ARID5A: variants seen among roughly 807,000 people sequenced by gnomAD.
ARID5A encodes the protein AT-rich interaction domain 5A.
In ARID5A, 14 loss-of-function variants were observed where a neutral mutation model predicts 30.5. The observed-to-expected ratio is 0.46, with a 90% CI of 0.30 to 0.72. The LOEUF is 0.72. Among genes scored for constraint, ARID5A ranks in the 30% least tolerant of loss-of-function variants. The pLI is 0.07. For synonymous variants in ARID5A, 338 were observed against 340.4 expected (o/e 0.99, Z 0.08); for missense variants, 669 against 786.2 (o/e 0.85, Z 1.78).
rs560045498 is a variant in ARID5A, at chr2:96,549,624, G to A, written c.260-129G>A. 283 of 1,505,610 alleles carry A rather than the reference G, an allele frequency of 1.9e-4. No individual in the cohort carries two copies. The highest frequency in any genetic ancestry group is 2.1e-4 in the Non-Finnish European group (227 of 1,086,638). The allele number at this position is 1,505,610 out of a possible 1,614,324, so 93.3% of individuals were successfully genotyped here. A position where few individuals can be genotyped will look rare whatever the true frequency, so the allele number is the denominator to read the frequency against. ...GGGGTGCACAGGGCACAGCCTGCCCGTCTATTGCAGTGGCCCTGGCTGGGT... is the reference window on the plus strand; with the variant it reads ...GGGGTGCACAGGGCACAGCCTGCCCATCTATTGCAGTGGCCCTGGCTGGGT... On this transcript the variant is annotated intron_variant, in intron 3 of 6. Coordinates refer to ENST00000357485, the MANE Select transcript of ARID5A (RefSeq NM_212481.3). The surrounding 1 kb of genome is among the most constrained non-coding windows in gnomAD (Gnocchi z 6.1).
chr2:96,549,284 C>G lies in ARID5A; in HGVS notation c.121-37C>G, dbSNP rs1180998519. 1 of 1,598,008 alleles carries G rather than the reference C, an allele frequency of 6.3e-7. No individual in the cohort carries two copies. The highest frequency in any genetic ancestry group is 8.5e-7 in the Non-Finnish European group (1 of 1,171,738). On this transcript the variant is annotated intron_variant, in intron 2 of 6. Transcript: ENST00000357485. The surrounding 1 kb of genome is among the most constrained non-coding windows in gnomAD (Gnocchi z 6.1). ...CACATCCCCAGCAGCCAGCCACCAA[C>G]TGGGGCCCATCCCAATGCCTCCTGT...
chr2:96,552,540 G>A lies in ARID5A; in HGVS notation c.*227G>A. ...AGGACCCAGTTGTTATAAGGCGCTG[G>A]GAGAGGATGGGCAGCTCCCACTGCC... On this transcript the variant is annotated 3_prime_UTR_variant, in exon 7 of 7. Coordinates refer to ENST00000357485, the MANE Select transcript of ARID5A (RefSeq NM_212481.3). 6.5e-7 allele frequency: 1 copy of A among 1,529,484 alleles called. No homozygotes were observed. The highest frequency in any genetic ancestry group is 8.7e-7 in the Non-Finnish European group (1 of 1,143,186). 94.7% of individuals were successfully genotyped at this position (1,529,484 alleles called of 1,614,324 possible).
chr2:96,536,817 T>C lies in ARID5A; in HGVS notation c.-10T>C. The C allele has an allele frequency of 1.7e-6, 2 of 1,206,840 alleles. No homozygotes were observed. The highest frequency in any genetic ancestry group is 2.1e-6 in the Non-Finnish European group (2 of 972,886). 74.8% of individuals were successfully genotyped at this position (1,206,840 alleles called of 1,614,324 possible). A position where few individuals can be genotyped will look rare whatever the true frequency, so the allele number is the denominator to read the frequency against. On this transcript the variant is annotated 5_prime_UTR_variant, in exon 1 of 7. Coordinates refer to ENST00000357485, the MANE Select transcript of ARID5A (RefSeq NM_212481.3). Reference sequence around the variant, plus strand: ...GTCTCGGGGCGGGCGCCGCGGGACCTCTCCGGGCCATGGGTAAGCGGCTCT... The same window carrying C: ...GTCTCGGGGCGGGCGCCGCGGGACCCCTCCGGGCCATGGGTAAGCGGCTCT...
intron 1 of ARID5A, among the ~76,000 whole-genome samples, chr2:96,540,388 G>C (rs948959894): frequency 1.3e-5 from 2 of 152,186 alleles, no homozygotes; most frequent in Admixed American, 1.3e-4. Context: ...TAAGGGACTG[G>C]GTCACTAGGA....
At chr2:96,538,859 C>T (rs2065793501) in intron 1 of ARID5A, among the ~76,000 whole-genome samples, 1 of 152,186 alleles carries the variant, frequency 6.6e-6, no homozygotes, top group African/African-American at 2.4e-5. Flanking sequence ...TCCCATCACA[C>T]CCAGGGTGAG....
Position 96,550,947 on chromosome 2 carries a change from A to G in ARID5A, c.571-152A>G, listed in dbSNP as rs1337543410. On this transcript the variant is annotated intron_variant, in intron 6 of 6. Coordinates refer to ENST00000357485, the MANE Select transcript of ARID5A (RefSeq NM_212481.3). This position sits in a 1 kb window ranked among gnomAD's most constrained non-coding sequence, Gnocchi z 6.6. ...CCACCAGGCACCTGAGGCTGTGTCC[A>G]CTCAGAGGACAGGGCACCTTTGGAA... 6 of 1,168,394 alleles carry G rather than the reference A, an allele frequency of 5.1e-6. No individual in the cohort carries two copies. The South Asian group carries it at 7.5e-5, about 15-fold the overall frequency. 72.4% of individuals were successfully genotyped at this position (1,168,394 alleles called of 1,614,324 possible). A position where few individuals can be genotyped will look rare whatever the true frequency, so the allele number is the denominator to read the frequency against.
chr2:96,536,978 G>C (rs970802050), intron 1 of ARID5A, 148 bp downstream of exon 1: 2 of 1,060,862 alleles, frequency 1.9e-6, no homozygotes, highest in African/African-American at 3.3e-5. Flanking sequence ...TCGGGGCGCG[G>C]GCCAAGGGGA....
chr2:96,549,201 C>G lies in ARID5A; in HGVS notation c.121-120C>G. ...CCTCCCAGAACAGTGGCTAGGTGTT[C>G]TCTGGGAAACTGGGGTTGGGGTAGG... On this transcript the variant is annotated intron_variant, in intron 2 of 6. Transcript: ENST00000357485. The surrounding 1 kb of genome is among the most constrained non-coding windows in gnomAD (Gnocchi z 6.1). 1 of 1,512,228 alleles carries G rather than the reference C, an allele frequency of 6.6e-7. No homozygotes were observed. Among genetic ancestry groups the G allele is most frequent in the Non-Finnish European group, 8.9e-7 (1 of 1,129,426 alleles). 93.7% of individuals were successfully genotyped at this position (1,512,228 alleles called of 1,614,324 possible).
Position 96,550,604 on chromosome 2 carries a change from G to A in ARID5A, c.441G>A (p.Lys147=), listed in dbSNP as rs1004235214. Reference sequence around the variant, plus strand: ...TCCTGCCATACGTGCGGCACCTGAAGGGGGAGGATGACAAGCCGCTGCCCA... The same window carrying A: ...TCCTGCCATACGTGCGGCACCTGAAAGGGGAGGATGACAAGCCGCTGCCCA... ...RLVLPYVRHL[K]GEDDKPLPTS... Residue 147 remains lysine, a synonymous_variant, in exon 6 of 7, where the codon AAG becomes AAA. Transcript: ENST00000357485. The surrounding 1 kb of genome is among the most constrained non-coding windows in gnomAD (Gnocchi z 6.6). 1.9e-6 allele frequency: 3 copies of A among 1,607,660 alleles called. No individual in the cohort carries two copies. The highest frequency in any genetic ancestry group is 1.3e-5 in the African/African-American group (1 of 74,824).
At chr2:96,548,657 G>A (rs2065971075) in intron 2 of ARID5A, among the ~76,000 whole-genome samples, 1 of 152,204 alleles carries the variant, frequency 6.6e-6, no homozygotes, top group Admixed American at 6.5e-5. Context: ...CTCTGAGCAG[G>A]GTATGGGCCC....
At position 96,551,391 on chromosome 2, in the gene ARID5A, C is replaced by T. The variant is rs758944425; in HGVS notation, c.863C>T (p.Ala288Val). ...TGCCGCCATGGGGCAGAGCCCCAGG[C>T]GTCCCCAGCTGTTCACCTCCCAGAG... The part of the protein sequence containing the change: ...EGCRHGAEPQ[A>V]SPAVHLPESP... The change falls in exon 7 of 7, where the codon GCG becomes GTG. Residue 288 changes from alanine to valine, a missense_variant. Ala to Val is a moderately conservative substitution (Grantham distance 64). Transcript: ENST00000357485. The T allele has an allele frequency of 1.8e-5, 29 of 1,609,846 alleles. No homozygotes were observed. The Admixed American group carries it at 3.0e-4, about 17-fold the overall frequency.
At position 96,545,156 on chromosome 2, in the gene ARID5A, C is replaced by CTT. The variant is rs35156624; in HGVS notation, c.5-2229_5-2228dup. The stretch of plus-strand genomic sequence containing the variant: ...TTCCTTTTCTTTTCTTTTTCTTTTT[C>CTT]TTTTTTTTTTTTTTTTTTGAGACAG... On this transcript the variant is annotated intron_variant, in intron 1 of 6. Coordinates refer to ENST00000357485, the MANE Select transcript of ARID5A (RefSeq NM_212481.3). Among the ~76,000 whole-genome samples the CTT allele has an allele frequency of 3.1e-3, 357 of 116,314 alleles. 3 individuals carry two copies. The highest frequency in any genetic ancestry group is 5.9e-3 in the African/African-American group (185 of 31,270). The allele number at this position is 116,314 out of a possible 152,430, so 76.3% of individuals were successfully genotyped here. A position where few individuals can be genotyped will look rare whatever the true frequency, so the allele number is the denominator to read the frequency against.
intron 1 of ARID5A, among the ~76,000 whole-genome samples, chr2:96,543,075 C>G (rs1292600433): frequency 6.6e-6 from 1 of 152,148 alleles, no homozygotes; most frequent in African/African-American, 2.4e-5. Flanking sequence ...AGAGGCTAGC[C>G]CAAGAGGGTG....
Position 96,550,722 on chromosome 2 carries a change from C to A in ARID5A, c.559C>A (p.Arg187Ser). 6.3e-7 allele frequency: 1 copy of A among 1,575,852 alleles called. No individual in the cohort carries two copies. The highest frequency in any genetic ancestry group is 8.6e-7 in the Non-Finnish European group (1 of 1,161,906). ...ERPKKAKEERRMDQMMPGKTK... is the reference protein window; with the variant it reads ...ERPKKAKEERSMDQMMPGKTK... ...GCCGAAGAAGGCCAAGGAGGAGCGG[C>A]GCATGGACCAGGTAGGCCTGCGGCT... The change falls in exon 6 of 7, where the codon CGC (arginine) becomes AGC (serine). Residue 187 changes from arginine to serine, a missense_variant. Coordinates refer to ENST00000357485, the MANE Select transcript of ARID5A (RefSeq NM_212481.3). The surrounding 1 kb of genome is among the most constrained non-coding windows in gnomAD (Gnocchi z 6.6).
In ARID5A at chr2:96,551,285, G is replaced by A. The variant is rs771274715; in HGVS notation, c.757G>A (p.Gly253Ser). The change falls in exon 7 of 7, where the codon GGC becomes AGC. Residue 253 changes from glycine (G) to serine (S), a missense_variant. By Grantham distance (56) the Gly-to-Ser change is moderately conservative (BLOSUM62 0). This residue lies in a region of ARID5A where 548 missense variants were observed against 577.4 expected (regional missense o/e 0.95). Coordinates refer to ENST00000357485, the MANE Select transcript of ARID5A (RefSeq NM_212481.3). ...CAGCTTCTACTGCAAGGGGACACAC[G>A]GCATCATGTCACCACTGGCCAAAAA... ...LSSFYCKGTH[G>S]IMSPLAKKKL... The A allele has an allele frequency of 1.9e-6, 3 of 1,613,872 alleles. No homozygotes were observed. Among genetic ancestry groups the A allele is most frequent in the Non-Finnish European group, 1.7e-6 (2 of 1,180,004 alleles).
At chr2:96,538,964 AGTC>A (rs1188590473) in intron 1 of ARID5A, among the ~76,000 whole-genome samples, 7 of 152,116 alleles carry the variant, frequency 4.6e-5, no homozygotes, top group African/African-American at 1.7e-4. Context: ...GCCTTGTACT[AGTC>A]ACTGCCCCTC....
chr2:96,550,256 G>C lies in ARID5A; in HGVS notation c.381G>C (p.Ala127=). 1 of 1,496,886 alleles carries C rather than the reference G, an allele frequency of 6.7e-7. No individual in the cohort carries two copies. The highest frequency in any genetic ancestry group is 1.3e-5 in the South Asian group (1 of 77,004). The allele number at this position is 1,496,886 out of a possible 1,614,324, so 92.7% of individuals were successfully genotyped here. ...ELGGSPGSTS[A]ATCTRRHYER... ...GGGGCAGCCCAGGCAGCACCAGCGC[G>C]GCCACGTGCACGCGCCGCCACTACG... is the stretch of plus-strand genomic sequence containing the variant. Residue 127 remains alanine (A), a synonymous_variant, in exon 5 of 7, where the codon GCG becomes GCC. Coordinates refer to ENST00000357485, the MANE Select transcript of ARID5A (RefSeq NM_212481.3). The surrounding 1 kb of genome is among the most constrained non-coding windows in gnomAD (Gnocchi z 6.6).
chr2:96,549,642 G>C lies in ARID5A; in HGVS notation c.260-111G>C, dbSNP rs1408791377. The C allele has an allele frequency of 6.5e-7, 1 of 1,548,570 alleles. No individual in the cohort carries two copies. Among genetic ancestry groups the C allele is most frequent in the African/African-American group, 1.4e-5 (1 of 73,550 alleles). ...CCTGCCCGTCTATTGCAGTGGCCCT[G>C]GCTGGGTGTGTGCTGGTCTGTGCCT... On this transcript the variant is annotated intron_variant, in intron 3 of 6. Coordinates refer to ENST00000357485, the MANE Select transcript of ARID5A (RefSeq NM_212481.3). This position sits in a 1 kb window ranked among gnomAD's most constrained non-coding sequence, Gnocchi z 6.1.
rs368587158 is a variant in ARID5A, at chr2:96,552,238, C to T, written c.1710C>T (p.Ala570=). The change falls in exon 7 of 7, where the codon GCC becomes GCT. Residue 570 remains alanine, a synonymous_variant. Coordinates refer to ENST00000357485, the MANE Select transcript of ARID5A (RefSeq NM_212481.3). ...CCCTCCGCCACAGACTTTGCCCGGC[C>T]TCATCTGCCTGGCACGCACCACCAG... ...DSALRHRLCP[A]SSAWHAPPVT... 3.1e-6 allele frequency: 5 copies of T among 1,613,450 alleles called. No individual in the cohort carries two copies. The highest frequency in any genetic ancestry group is 3.4e-6 in the Non-Finnish European group (4 of 1,179,932).
Sources: allele counts gnomAD v4.1 joint callset (sites outside exome capture counted in the v4.1 genomes callset), GRCh38; gene constraint gnomAD v4.1.1; regional missense constraint gnomAD v4.1.1; non-coding constraint Gnocchi (gnomAD v3.1); transcripts MANE v1.5; gene names NCBI Gene and HGNC (gene_info 2026-07-23, HGNC 2026-07-21).